The following MAFK variants were observed in gnomAD, a reference collection of about 807,000 sequenced individuals.
MAFK encodes transcription factor MafK.
A neutral mutation model predicts 9.2 loss-of-function variants in MAFK; 1 was observed. That is an observed-to-expected ratio of 0.11 (90% CI 0.04 to 0.52). The LOEUF is 0.52. MAFK is among the 20% of genes least tolerant of loss of function. MAFK has a pLI of 0.94. For missense variants in MAFK, 207 were observed against 236.0 expected (o/e 0.88, Z 0.81); for synonymous variants, 110 against 107.4 (o/e 1.02, Z -0.15).
intron 1 of MAFK, among the ~76,000 whole-genome samples, 171 bp downstream of exon 1, chr7:1,531,069 G>T (rs2128550402): frequency 6.8e-6 from 1 of 147,888 alleles, no homozygotes; most frequent in Admixed American, 6.7e-5. Flanking sequence ...CGCGGCCCGG[G>T]CACCTGCCCA....
chr7:1,537,068 C>A (rs3808338), intron 1 of MAFK, among the ~76,000 whole-genome samples: 80,539 of 152,142 alleles, frequency 0.53, 21,514 homozygotes, highest in East Asian at 0.64. Context: ...TGGAAGTAGT[C>A]AGCCACCCCT....
Position 1,540,845 on chromosome 7 carries a change from C to G in MAFK, c.*470C>G, listed in dbSNP as rs1455677929. 5.9e-6 allele frequency: 1 copy of G among 170,204 alleles called. No homozygotes were observed. The highest frequency in any genetic ancestry group is 5.9e-5 in the Admixed American group (1 of 16,950). 10.5% of individuals were successfully genotyped at this position (170,204 alleles called of 1,614,324 possible). The stretch of plus-strand genomic sequence containing the variant: ...TCCCAGCCGGTGCGGGAGCCCCTCA[C>G]TGCCCTGACCGACTCCGCAGTCCCC... On this transcript the variant is annotated 3_prime_UTR_variant, in exon 3 of 3. Coordinates refer to ENST00000343242, the MANE Select transcript of MAFK (RefSeq NM_002360.4).
chr7:1,540,024 C>T lies in MAFK; in HGVS notation c.120C>T (p.His40=), dbSNP rs1371845809. The T allele has an allele frequency of 1.3e-6, 2 of 1,559,202 alleles. No homozygotes were observed. Among genetic ancestry groups the T allele is most frequent in the Non-Finnish European group, 8.7e-7 (1 of 1,151,622 alleles). ...VSMSVRELNQ[H]LRGLTKEEVT... ...TGTCGGTGCGGGAGCTGAACCAGCA[C>T]CTGCGGGGTCTCACCAAGGAGGAGG... is the stretch of plus-strand genomic sequence containing the variant. Residue 40 remains histidine, a synonymous_variant, in exon 3 of 3, where the codon CAC becomes CAT. Coordinates refer to ENST00000343242, the MANE Select transcript of MAFK (RefSeq NM_002360.4).
rs748665144 is a variant in MAFK at position 1,539,278 on chromosome 7, GC to G, written c.36+55del. 14 of 1,498,258 alleles carry G rather than the reference GC, an allele frequency of 9.3e-6. No individual in the cohort carries two copies. The African/African-American group carries it at 1.7e-4, about 18-fold the overall frequency. 92.8% of individuals were successfully genotyped at this position (1,498,258 alleles called of 1,614,324 possible). ...CGTCTCAAGCACAGGCGTGGGAAAG[GC>G]CCCCGGCCCGACAGCCCCTGCTATC... On this transcript the variant is annotated intron_variant, in intron 2 of 2. Coordinates refer to ENST00000343242, the MANE Select transcript of MAFK (RefSeq NM_002360.4).
intron 1 of MAFK, among the ~76,000 whole-genome samples, chr7:1,536,876 G>C (rs1784043115): frequency 6.6e-6 from 1 of 152,216 alleles, no homozygotes; most frequent in Non-Finnish European, 1.5e-5. Context: ...CGGCAGAGCA[G>C]AGTCGTGACC....
rs117730393 is a variant in MAFK, at chr7:1,541,243, G to A, written c.*868G>A. ...CCCACAGGCCGTCCCGGATCTCAGC[G>A]GACACAGGCAGGAGCGCCCCATCAT... On this transcript the variant is annotated 3_prime_UTR_variant, in exon 3 of 3. Transcript: ENST00000343242. 0.022 allele frequency: 3,354 copies of A among 153,130 alleles called. 56 individuals carry two copies. The highest frequency in any genetic ancestry group is 0.034 in the Non-Finnish European group (2,344 of 68,344). 9.5% of individuals were successfully genotyped at this position (153,130 alleles called of 1,614,324 possible).
chr7:1,531,477 T>C (rs914224493), intron 1 of MAFK, among the ~76,000 whole-genome samples: 19 of 152,120 alleles, frequency 1.2e-4, no homozygotes, highest in Admixed American at 1.3e-4. Flanking sequence ...GGCGGGATCC[T>C]GGGACTGGTG....
Position 1,532,480 on chromosome 7 carries a change from A to G in MAFK, c.-45+1582A>G, listed in dbSNP as rs1172007200. On this transcript the variant is annotated intron_variant, in intron 1 of 2. Transcript: ENST00000343242. This position sits in a 1 kb window ranked among gnomAD's most constrained non-coding sequence, Gnocchi z 4.5. ...TCCAAAATAAGACATTTATTAAAGC[A>G]GAAAAACCAGGCTTCTCCTGCCTTT... 2.0e-5 allele frequency among the ~76,000 whole-genome samples: 3 copies of G among 152,268 alleles called. No homozygotes were observed. The highest frequency in any genetic ancestry group is 4.4e-5 in the Non-Finnish European group (3 of 68,050).
rs1211055713 is a variant in MAFK at position 1,541,605 on chromosome 7, C to T, written c.*1230C>T. 3 of 152,554 alleles carry T rather than the reference C, an allele frequency of 2.0e-5. No individual in the cohort carries two copies. Among genetic ancestry groups the T allele is most frequent in the Non-Finnish European group, 4.4e-5 (3 of 68,198 alleles). 9.5% of individuals were successfully genotyped at this position (152,554 alleles called of 1,614,324 possible). A position where few individuals can be genotyped will look rare whatever the true frequency, so the allele number is the denominator to read the frequency against. On this transcript the variant is annotated 3_prime_UTR_variant, in exon 3 of 3. Coordinates refer to ENST00000343242, the MANE Select transcript of MAFK (RefSeq NM_002360.4). ...GCGGCGGGTGGGGAGGCAGCAGGCA[C>T]CAGTCCAGGAGAGCTTCGTGGACGT...
chr7:1,538,360 C>A, intron 1 of MAFK: 1 of 985,208 alleles, frequency 1.0e-6, no homozygotes, highest in African/African-American at 1.7e-5. Flanking sequence ...GACCTGCCGC[C>A]CCTCAGGAAC....
At position 1,541,632 on chromosome 7, in the gene MAFK, G is replaced by T. The variant is rs767691957; in HGVS notation, c.*1257G>T. 2 of 152,312 alleles carry T rather than the reference G, an allele frequency of 1.3e-5. No homozygotes were observed. The highest frequency in any genetic ancestry group is 4.8e-5 in the African/African-American group (2 of 41,394). 9.4% of individuals were successfully genotyped at this position (152,312 alleles called of 1,614,324 possible). A position where few individuals can be genotyped will look rare whatever the true frequency, so the allele number is the denominator to read the frequency against. On this transcript the variant is annotated 3_prime_UTR_variant, in exon 3 of 3. Transcript: ENST00000343242. ...AGTCCAGGAGAGCTTCGTGGACGTG[G>T]CTCCTGCGCGCACACCCCCAGGAGC...
rs1314364657 is a variant in MAFK, at chr7:1,534,543, C to T, written c.-45+3645C>T. 6.6e-6 allele frequency: 3 copies of T among 455,730 alleles called. No individual in the cohort carries two copies. The highest frequency in any genetic ancestry group is 1.4e-4 in the East Asian group (2 of 14,382). The allele number at this position is 455,730 out of a possible 1,614,324, so 28.2% of individuals were successfully genotyped here. ...CTGAACCCGTGTCTCTCGCACAGAGCTCCCGTCCTCCGTTCCTGGTCTTCC... is the reference window on the plus strand; with the variant it reads ...CTGAACCCGTGTCTCTCGCACAGAGTTCCCGTCCTCCGTTCCTGGTCTTCC... On this transcript the variant is annotated intron_variant, in intron 1 of 2. Coordinates refer to ENST00000343242, the MANE Select transcript of MAFK (RefSeq NM_002360.4). The surrounding 1 kb of genome is among the most constrained non-coding windows in gnomAD (Gnocchi z 4.3).
In MAFK at chr7:1,540,258, G is replaced by A. The variant is rs752703268; in HGVS notation, c.354G>A (p.Ala118=). 1.9e-5 allele frequency: 30 copies of A among 1,610,276 alleles called. No homozygotes were observed. The highest frequency in any genetic ancestry group is 6.7e-5 in the East Asian group (3 of 44,742). ...RSKYEALQTF[A]RTVARGPVAP... is the part of the protein sequence containing the mutation. ...AGTACGAGGCGCTGCAGACCTTCGC[G>A]CGCACCGTGGCCCGGGGACCTGTGG... is the stretch of plus-strand genomic sequence containing the variant. Residue 118 remains alanine, a synonymous_variant, in exon 3 of 3, where the codon GCG becomes GCA. Coordinates refer to ENST00000343242, the MANE Select transcript of MAFK (RefSeq NM_002360.4).
intron 1 of MAFK, among the ~76,000 whole-genome samples, chr7:1,537,093 G>A (rs13239333): frequency 0.023 from 3,481 of 152,352 alleles, 71 homozygotes; most frequent in Middle Eastern, 0.075. Flanking sequence ...GGGCGCCCCC[G>A]GCTACCGTGT....
intron 1 of MAFK, chr7:1,537,686 G>A (rs1178623245): frequency 1.5e-5 from 15 of 985,620 alleles, no homozygotes; most frequent in Non-Finnish European, 1.8e-5. Context: ...CCTGGCGCAG[G>A]ACCCTGTCTC....
chr7:1,532,077 G>A lies in MAFK; in HGVS notation c.-45+1179G>A, dbSNP rs1783919198. 6.6e-6 allele frequency among the ~76,000 whole-genome samples: 1 copy of A among 152,226 alleles called. No homozygotes were observed. Among genetic ancestry groups the A allele is most frequent in the Non-Finnish European group, 1.5e-5 (1 of 68,042 alleles). On this transcript the variant is annotated intron_variant, in intron 1 of 2. Coordinates refer to ENST00000343242, the MANE Select transcript of MAFK (RefSeq NM_002360.4). The surrounding 1 kb of genome is among the most constrained non-coding windows in gnomAD (Gnocchi z 4.5). ...CCACCGCCCCCCATCGTGGTCTAGG[G>A]GATATCTGTGTGGTTCGGCTCTGGC...
rs1276009887 is a variant in MAFK, at chr7:1,534,579, C to G, written c.-45+3681C>G. 1 of 456,358 alleles carries G rather than the reference C, an allele frequency of 2.2e-6. No homozygotes were observed. The highest frequency in any genetic ancestry group is 2.0e-5 in the African/African-American group (1 of 50,062). 28.3% of individuals were successfully genotyped at this position (456,358 alleles called of 1,614,324 possible). Reference sequence around the variant, plus strand: ...CGTTCCTGGTCTTCCTCCTGCCCCTCCTCCCTCTCCCGCATCCCACATCCT... The same window carrying G: ...CGTTCCTGGTCTTCCTCCTGCCCCTGCTCCCTCTCCCGCATCCCACATCCT... On this transcript the variant is annotated intron_variant, in intron 1 of 2. Transcript: ENST00000343242. The surrounding 1 kb of genome is among the most constrained non-coding windows in gnomAD (Gnocchi z 4.3).
chr7:1,531,056 C>G (rs1193070446), intron 1 of MAFK, among the ~76,000 whole-genome samples, 158 bp downstream of exon 1: 2 of 147,190 alleles, frequency 1.4e-5, no homozygotes, highest in African/African-American at 4.9e-5. Flanking sequence ...ATGCGGCCCG[C>G]GGCGCGGCCC....
chr7:1,530,720 G>GGGCGGGCGGGTGCGGTGGC lies in MAFK; in HGVS notation c.-213_-195dup, dbSNP rs1179423091. On this transcript the variant is annotated 5_prime_UTR_variant, in exon 1 of 3. The change abolishes the stop of an existing upstream ORF in the 5' untranslated region. Coordinates refer to ENST00000343242, the MANE Select transcript of MAFK (RefSeq NM_002360.4). The stretch of plus-strand genomic sequence containing the variant: ...AAGCGGTGTCAGATGCTGGGGAGCC[G>GGGCGGGCGGGTGCGGTGGC]GGCGGGCGGGTGCGGTGGCGGCGGG... The GGGCGGGCGGGTGCGGTGGC allele has an allele frequency of 2.0e-5, 3 of 150,112 alleles. No homozygotes were observed. Among genetic ancestry groups the GGGCGGGCGGGTGCGGTGGC allele is most frequent in the African/African-American group, 7.3e-5 (3 of 41,134 alleles). The allele number at this position is 150,112 out of a possible 1,614,324, so 9.3% of individuals were successfully genotyped here. A position where few individuals can be genotyped will look rare whatever the true frequency, so the allele number is the denominator to read the frequency against.
Sources: allele counts gnomAD v4.1 joint callset (sites outside exome capture counted in the v4.1 genomes callset), GRCh38; gene constraint gnomAD v4.1.1; non-coding constraint Gnocchi (gnomAD v3.1); transcripts MANE v1.5; gene names NCBI Gene and HGNC (gene_info 2026-07-23, HGNC 2026-07-21).